The following RASEF variants were observed in gnomAD, a reference collection of about 807,000 sequenced individuals.
RASEF encodes ras and EF-hand domain-containing protein.
RASEF carries 68 observed loss-of-function variants against 90.1 expected under a neutral mutation model. The ratio of observed to expected loss-of-function variants is 0.75; its 90% CI spans 0.62 to 0.92. The LOEUF is 0.92. Ranked by LOEUF, RASEF falls within the 40% of genes least tolerant of loss-of-function variation. The pLI, the probability that RASEF is intolerant of heterozygous loss-of-function variation, is 0.00. For synonymous variants in RASEF, 331 were observed against 345.2 expected (o/e 0.96, Z 0.46); for missense variants, 949 against 937.2 (o/e 1.01, Z -0.16).
At chr9:83,118,971 T>C in the RASEF span, among the ~76,000 whole-genome samples, 1 of 151,918 alleles carries the variant, frequency 6.6e-6, no homozygotes, top group Non-Finnish European at 1.5e-5. Context: ...AAAAAATCTT[T>C]GTAAAAAGAA....
At chr9:83,039,575 GA>G (rs1228984193) in intron 1 of RASEF, among the ~76,000 whole-genome samples, 4 of 152,150 alleles carry the variant, frequency 2.6e-5, no homozygotes, top group African/African-American at 9.7e-5. Flanking sequence ...CTAACTATGG[GA>G]AATATGATTG....
At chr9:83,174,106 T>C in the RASEF span, among the ~76,000 whole-genome samples, 3 of 151,962 alleles carry the variant, frequency 2.0e-5, no homozygotes, top group Non-Finnish European at 4.4e-5. Flanking sequence ...CAGTAGATTG[T>C]CTTATCACTT....
chr9:83,165,143 T>A, the RASEF span, among the ~76,000 whole-genome samples: 1 of 152,068 alleles, frequency 6.6e-6, no homozygotes, highest in African/African-American at 2.4e-5. Flanking sequence ...AACACCACCA[T>A]CAATTGACTG....
chr9:83,062,349 GC>G lies in RASEF; in HGVS notation c.431+87del, dbSNP rs1403682025. On this transcript the variant is annotated intron_variant, in intron 1 of 16. Transcript: ENST00000376447. ...CTCACAGAGAAGACTAGGGGGGGGG[GC>G]CATTGGGTCTGCACACCTGCAAGTA... 1.4e-3 allele frequency: 1,612 copies of G among 1,136,004 alleles called. 3 individuals carry two copies. Among genetic ancestry groups the G allele is most frequent in the Non-Finnish European group, 1.8e-3 (1,435 of 788,118 alleles). The allele number at this position is 1,136,004 out of a possible 1,614,324, so 70.4% of individuals were successfully genotyped here.
chr9:83,063,472 C>T (rs562608847), upstream of RASEF, among the ~76,000 whole-genome samples: 9 of 152,298 alleles, frequency 5.9e-5, no homozygotes, highest in South Asian at 8.3e-4. Context: ...ATCTTACTCC[C>T]GAAACTTGAT....
intron 8 of RASEF, among the ~76,000 whole-genome samples, chr9:83,004,992 T>C (rs918130714): frequency 6.6e-6 from 1 of 152,112 alleles, no homozygotes; most frequent in Non-Finnish European, 1.5e-5. Context: ...CTTCCAAAAG[T>C]GGGATAAGAG....
chr9:83,099,886 A>G, the RASEF span, among the ~76,000 whole-genome samples: 2 of 152,262 alleles, frequency 1.3e-5, no homozygotes, highest in African/African-American at 4.8e-5. Flanking sequence ...TGCTTAAAGT[A>G]ACTAAGTGAC....
chr9:83,130,168 T>A, the RASEF span, among the ~76,000 whole-genome samples: 1 of 152,204 alleles, frequency 6.6e-6, no homozygotes, highest in Non-Finnish European at 1.5e-5. Context: ...TACCCCTGAA[T>A]CTCAGATACC....
intron 1 of RASEF, among the ~76,000 whole-genome samples, chr9:83,026,185 T>C (rs1198935480): frequency 1.3e-5 from 2 of 152,178 alleles, no homozygotes; most frequent in South Asian, 2.1e-4. Context: ...CTGCTGTGTA[T>C]TTTTTAATTT....
the RASEF span, among the ~76,000 whole-genome samples, chr9:83,075,679 G>C: frequency 6.6e-6 from 1 of 152,002 alleles, no homozygotes; most frequent in Non-Finnish European, 1.5e-5. Flanking sequence ...TACATTGTTA[G>C]GTCATAGATA....
the RASEF span, among the ~76,000 whole-genome samples, chr9:83,094,895 C>T: frequency 6.6e-6 from 1 of 152,294 alleles, no homozygotes; most frequent in Middle Eastern, 3.4e-3. Context: ...ACTTGTTTCT[C>T]TTGTTTCTAC....
the RASEF span, among the ~76,000 whole-genome samples, chr9:83,085,329 A>AT: frequency 6.6e-6 from 1 of 152,210 alleles, no homozygotes; most frequent in Non-Finnish European, 1.5e-5. Context: ...AAATCATTCA[A>AT]GCATTATAAA....
rs1189609485 is a variant in RASEF, at chr9:82,979,702, G to A, written c.*2975C>T. Reference sequence around the variant, plus strand: ...TATGGTATAATTATTAAGGTTTGAAGAGAAATAAACAGTATAAACGAAATA... The same window carrying A: ...TATGGTATAATTATTAAGGTTTGAAAAGAAATAAACAGTATAAACGAAATA... On this transcript the variant is annotated 3_prime_UTR_variant, in exon 17 of 17. Coordinates refer to ENST00000376447, the MANE Select transcript of RASEF (RefSeq NM_152573.4). 2.6e-5 allele frequency: 4 copies of A among 152,064 alleles called. No individual in the cohort carries two copies. Among genetic ancestry groups the A allele is most frequent in the Admixed American group, 1.3e-4 (2 of 15,262 alleles). The allele number at this position is 152,064 out of a possible 1,614,324, so 9.4% of individuals were successfully genotyped here.
At chr9:83,103,637 GA>G in the RASEF span, among the ~76,000 whole-genome samples, 3 of 151,996 alleles carry the variant, frequency 2.0e-5, no homozygotes, top group Admixed American at 1.3e-4. Context: ...GAAAGACACA[GA>G]AAAAAAGAGG....
At chr9:83,155,808 A>G in the RASEF span, among the ~76,000 whole-genome samples, 3 of 152,350 alleles carry the variant, frequency 2.0e-5, no homozygotes, top group Admixed American at 6.5e-5. Flanking sequence ...TTATCTGTTC[A>G]CTGCAACAGT....
At chr9:83,031,252 T>C (rs543114839) in intron 1 of RASEF, among the ~76,000 whole-genome samples, 30 of 152,212 alleles carry the variant, frequency 2.0e-4, no homozygotes, top group South Asian at 4.1e-4. Context: ...ACCTCCTTAC[T>C]TGATAGCTTC....
the RASEF span, among the ~76,000 whole-genome samples, chr9:83,142,607 T>C: frequency 6.6e-6 from 1 of 152,194 alleles, no homozygotes; most frequent in Admixed American, 6.5e-5. Context: ...TGGGTTTGAG[T>C]GCTGCTCTTG....
chr9:83,092,789 T>A, the RASEF span, among the ~76,000 whole-genome samples: 2 of 152,144 alleles, frequency 1.3e-5, no homozygotes, highest in African/African-American at 4.8e-5. Flanking sequence ...GGGTGCTGAT[T>A]GGTGCGTTTA....
At chr9:83,039,850 T>C (rs894346903) in intron 1 of RASEF, among the ~76,000 whole-genome samples, 2 of 152,186 alleles carry the variant, frequency 1.3e-5, no homozygotes, top group Admixed American at 6.5e-5. Flanking sequence ...TCTGGAACTA[T>C]TTCTGACATG....
Sources: allele counts gnomAD v4.1 joint callset (sites outside exome capture counted in the v4.1 genomes callset), GRCh38; gene constraint gnomAD v4.1.1; transcripts MANE v1.5; gene names NCBI Gene and HGNC (gene_info 2026-07-23, HGNC 2026-07-21).